PTPRD: variants seen among roughly 807,000 people sequenced by gnomAD.
PTPRD encodes receptor-type tyrosine-protein phosphatase delta.
In PTPRD, 34 loss-of-function variants were observed where a neutral mutation model predicts 214.5. The observed-to-expected ratio is 0.16, with a 90% CI of 0.12 to 0.21. PTPRD has a LOEUF of 0.21. Among genes scored for constraint, PTPRD ranks in the 10% least tolerant of loss-of-function variants. The pLI is 1.00. For missense variants in PTPRD, 2,545 were observed against 2,398.7 expected (o/e 1.06, Z -1.27); for synonymous variants, 1,128 against 845.7 (o/e 1.33, Z -5.79).
chr9:9,581,554 T>C (rs987050460), intron 7 of PTPRD, among the ~76,000 whole-genome samples: 3 of 152,170 alleles, frequency 2.0e-5, no homozygotes, highest in Non-Finnish European at 4.4e-5. Context: ...CAGTAAAACC[T>C]TGCACATTAT....
At chr9:8,692,069 CTT>C (rs1490199956) in intron 12 of PTPRD, among the ~76,000 whole-genome samples, 7 of 152,084 alleles carry the variant, frequency 4.6e-5, no homozygotes, top group African/African-American at 1.7e-4. Context: ...TCCTTCTTCT[CTT>C]TTTGATCATA....
chr9:9,731,040 G>C (rs911271446), intron 7 of PTPRD, among the ~76,000 whole-genome samples: 1 of 152,078 alleles, frequency 6.6e-6, no homozygotes, highest in African/African-American at 2.4e-5. Flanking sequence ...TCAGTGATTC[G>C]TAAACATTAA....
At chr9:8,742,062 T>A (rs2092064208) in intron 11 of PTPRD, among the ~76,000 whole-genome samples, 1 of 152,158 alleles carries the variant, frequency 6.6e-6, no homozygotes, top group African/African-American at 2.4e-5. Context: ...CAAAATTTCA[T>A]ATTATTCCCT....
chr9:8,728,186 G>A (rs535255191), intron 12 of PTPRD, among the ~76,000 whole-genome samples: 11 of 152,110 alleles, frequency 7.2e-5, no homozygotes, highest in African/African-American at 2.4e-4. Flanking sequence ...GGAGGCGGAG[G>A]TTGCGATGAG....
At chr9:9,728,303 G>A (rs1458907018) in intron 7 of PTPRD, among the ~76,000 whole-genome samples, 4 of 152,126 alleles carry the variant, frequency 2.6e-5, no homozygotes, top group Non-Finnish European at 5.9e-5. Context: ...GGCTATTAGT[G>A]ATTGACACAA....
intron 11 of PTPRD, among the ~76,000 whole-genome samples, chr9:8,972,569 T>C (rs1589124285): frequency 1.3e-5 from 2 of 151,738 alleles, no homozygotes; most frequent in African/African-American, 4.8e-5. Context: ...AAAGAACAAA[T>C]TAAATGGAAG....
intron 5 of PTPRD, among the ~76,000 whole-genome samples, chr9:9,898,941 A>G (rs1239188624): frequency 2.0e-5 from 3 of 152,088 alleles, no homozygotes; most frequent in Non-Finnish European, 4.4e-5. Context: ...GAAAGGAAAA[A>G]CAAAGCTGTC....
intron 9 of PTPRD, among the ~76,000 whole-genome samples, chr9:9,329,021 T>C (rs1242136630): frequency 6.6e-6 from 1 of 152,068 alleles, no homozygotes; most frequent in Non-Finnish European, 1.5e-5. Context: ...ACACTTTTTT[T>C]CTTTCTTTAT....
rs766193884 is a variant in PTPRD, at chr9:9,707,443, C to T, written c.-287+27090G>A. Among the ~76,000 whole-genome samples the T allele has an allele frequency of 7.2e-5, 11 of 152,166 alleles. No individual in the cohort carries two copies. In the South Asian group the frequency reaches 2.1e-3, roughly 29 times the overall value. ...ATAGAACTTATAACAAAGTAGAGGACGTTGCTTGTTTTGATTGAAAATGGC... is the reference window on the plus strand; with the variant it reads ...ATAGAACTTATAACAAAGTAGAGGATGTTGCTTGTTTTGATTGAAAATGGC... On this transcript the variant is annotated intron_variant, in intron 7 of 45. Coordinates refer to ENST00000381196, the MANE Select transcript of PTPRD (RefSeq NM_002839.4).
At chr9:10,062,753 T>C (rs1398893175) in intron 3 of PTPRD, among the ~76,000 whole-genome samples, 4 of 152,006 alleles carry the variant, frequency 2.6e-5, no homozygotes, top group South Asian at 2.1e-4. Context: ...ACATTTTTTT[T>C]CCCCTGAAAA....
intron 5 of PTPRD, among the ~76,000 whole-genome samples, chr9:9,776,372 C>T (rs1033521116): frequency 2.0e-5 from 3 of 152,058 alleles, no homozygotes; most frequent in Admixed American, 6.6e-5. Flanking sequence ...ACTCGTGTGC[C>T]ATAACCCTTT....
At chr9:9,873,682 C>T (rs188891444) in intron 5 of PTPRD, among the ~76,000 whole-genome samples, 19 of 152,168 alleles carry the variant, frequency 1.2e-4, no homozygotes, top group East Asian at 5.8e-4. Flanking sequence ...TTAAATAACA[C>T]GAATTATGTA....
chr9:9,966,439 C>T (rs2094705762), intron 4 of PTPRD, among the ~76,000 whole-genome samples: 3 of 152,002 alleles, frequency 2.0e-5, no homozygotes, highest in Admixed American at 1.3e-4. Context: ...CAAGGAGGTA[C>T]CTTATCAGTA....
intron 3 of PTPRD, among the ~76,000 whole-genome samples, chr9:10,147,796 C>T (rs2099033790): frequency 6.6e-6 from 1 of 152,164 alleles, no homozygotes; most frequent in Admixed American, 6.6e-5. Flanking sequence ...AAGAGAATTG[C>T]TTGAACCCGG....
At chr9:10,217,378 C>G (rs1353329172) in intron 3 of PTPRD, among the ~76,000 whole-genome samples, 2 of 151,868 alleles carry the variant, frequency 1.3e-5, no homozygotes, top group South Asian at 2.1e-4. Flanking sequence ...TCAGCCTCCC[C>G]CTCCTCCATA....
At chr9:10,265,917 A>G (rs1242109418) in intron 3 of PTPRD, among the ~76,000 whole-genome samples, 1 of 152,248 alleles carries the variant, frequency 6.6e-6, no homozygotes, top group African/African-American at 2.4e-5. Context: ...CCGCAAAAAT[A>G]TAAAGCTTTC....
intron 43 of PTPRD, 59 bp downstream of exon 43, chr9:8,338,863 G>GAGAGAGAGAGAGAGAT: frequency 6.6e-7 from 1 of 1,516,736 alleles, no homozygotes; most frequent in Non-Finnish European, 9.0e-7. Context: ...GAGAGAGAGA[G>GAGAGAGAGAGAGAGAT]AGGTATCTTA....
At chr9:9,151,165 T>C (rs1295911652) in intron 10 of PTPRD, among the ~76,000 whole-genome samples, 1 of 152,246 alleles carries the variant, frequency 6.6e-6, no homozygotes, top group Non-Finnish European at 1.5e-5. Context: ...CTTGCACTTT[T>C]ACCTCGGATC....
chr9:9,811,269 T>C (rs770548001), intron 5 of PTPRD, among the ~76,000 whole-genome samples: 18 of 151,972 alleles, frequency 1.2e-4, no homozygotes, highest in African/African-American at 3.6e-4. Flanking sequence ...CTTTGAAGGG[T>C]TCAGGAACGC....
Sources: gnomAD v4.1 joint callset for allele counts (sites outside exome capture counted in the v4.1 genomes callset) on GRCh38, gnomAD v4.1.1 for gene constraint, MANE v1.5 for transcripts, NCBI Gene and HGNC (gene_info 2026-07-23, HGNC 2026-07-21) for gene names.